MALRD1: variants seen among roughly 807,000 people sequenced by gnomAD.
MALRD1 encodes MAM and LDL-receptor class A domain-containing protein 1.
MALRD1 carries 247 observed loss-of-function variants against 242.1 expected under a neutral mutation model. That is an observed-to-expected ratio of 1.02 (90% CI 0.92 to 1.13). The LOEUF (loss-of-function observed/expected upper bound fraction) is 1.13. Among genes scored for constraint, MALRD1 ranks in the 50% most tolerant of loss-of-function variants. MALRD1 has a pLI of 0.00. For missense variants in MALRD1, 2,989 were observed against 2,533.1 expected, an observed-to-expected ratio of 1.18 and a Z score of -3.86; for synonymous variants, 995 against 866.6, an observed-to-expected ratio of 1.15 and a Z score of -2.60.
intron 14 of MALRD1, among the ~76,000 whole-genome samples, chr10:19,184,905 T>C (rs1425877009): frequency 2.0e-5 from 3 of 152,198 alleles, no homozygotes; most frequent in African/African-American, 4.8e-5. Flanking sequence ...CAAAACATTA[T>C]GCTAATAAAC....
At chr10:19,731,096 TAGTC>T (rs1835278263) in intron 39 of MALRD1, among the ~76,000 whole-genome samples, 1 of 152,220 alleles carries the variant, frequency 6.6e-6, no homozygotes, top group Non-Finnish European at 1.5e-5. Flanking sequence ...CACAGAGTAT[TAGTC>T]AGCTGCTTAC....
chr10:19,107,505 C>G (rs1302953104), intron 5 of MALRD1, among the ~76,000 whole-genome samples: 2 of 147,638 alleles, frequency 1.4e-5, no homozygotes, highest in East Asian at 2.0e-4. Context: ...CCTTTAGTTT[C>G]TCAGTCTATG....
chr10:19,710,245 CT>C (rs1834045480), intron 38 of MALRD1: 1 of 151,866 alleles, frequency 6.6e-6, no homozygotes, highest in Non-Finnish European at 1.5e-5. Context: ...TGTCTGGCAG[CT>C]GAAAATGTAT....
intron 34 of MALRD1, among the ~76,000 whole-genome samples, chr10:19,602,586 A>C (rs991493255): frequency 2.0e-5 from 3 of 151,928 alleles, no homozygotes; most frequent in African/African-American, 7.3e-5. Context: ...TTCTTAATCC[A>C]GTCTATCATT....
intron 36 of MALRD1, among the ~76,000 whole-genome samples, chr10:19,672,936 A>G (rs1228068895): frequency 2.6e-5 from 4 of 152,166 alleles, no homozygotes; most frequent in East Asian, 1.9e-4. Context: ...TAACATGAGG[A>G]TTATTTATTC....
In MALRD1 at chr10:19,088,691, G is replaced by T. The variant is rs1329407099; in HGVS notation, c.597+506G>T. 3.9e-5 allele frequency among the ~76,000 whole-genome samples: 4 copies of T among 102,290 alleles called. No homozygotes were observed. In the South Asian group the frequency reaches 1.4e-3, roughly 37 times the overall value. The allele number at this position is 102,290 out of a possible 152,430, so 67.1% of individuals were successfully genotyped here. A position where few individuals can be genotyped will look rare whatever the true frequency, so the allele number is the denominator to read the frequency against. On this transcript the variant is annotated intron_variant, in intron 4 of 39. Transcript: ENST00000454679. The stretch of plus-strand genomic sequence containing the variant: ...ATGCTGGTGCGCTGCACCCACTAAC[G>T]TGTCATCTAGCATTAGGTATATCTC...
intron 38 of MALRD1, among the ~76,000 whole-genome samples, chr10:19,717,843 C>A (rs1268221834): frequency 6.6e-6 from 1 of 152,014 alleles, no homozygotes; most frequent in East Asian, 1.9e-4. Flanking sequence ...ATGGCAAAAC[C>A]CTGTTTCTAC....
intron 36 of MALRD1, among the ~76,000 whole-genome samples, chr10:19,689,346 G>A (rs1051853816): frequency 6.6e-6 from 1 of 152,094 alleles, no homozygotes; most frequent in African/African-American, 2.4e-5. Context: ...AGGCATGAAG[G>A]TTTGTGTTTT....
At chr10:19,465,894 C>T (rs1435643849) in intron 29 of MALRD1, among the ~76,000 whole-genome samples, 1 of 152,136 alleles carries the variant, frequency 6.6e-6, no homozygotes, top group African/African-American at 2.4e-5. Context: ...TTCTTATAAT[C>T]CCACCACTCC....
intron 36 of MALRD1, among the ~76,000 whole-genome samples, chr10:19,679,166 G>A (rs941487660): frequency 9.2e-5 from 14 of 152,100 alleles, no homozygotes; most frequent in Non-Finnish European, 1.8e-4. Flanking sequence ...GATGATGCTG[G>A]CCCCATTAAA....
intron 18 of MALRD1, among the ~76,000 whole-genome samples, chr10:19,250,820 CCT>C (rs141827654): frequency 5.3e-5 from 8 of 149,952 alleles, no homozygotes; most frequent in African/African-American, 9.7e-5. Context: ...CGTCTCTCTG[CCT>C]CTCTCTCTCT....
Position 19,177,458 on chromosome 10 carries a change from A to G in MALRD1, c.1951+2130A>G, listed in dbSNP as rs1214213533. On this transcript the variant is annotated intron_variant, in intron 14 of 39. Transcript: ENST00000454679. ...GTCTTGTAATGTAGTATTTGGAGGT[A>G]TAGGGGCAGAAAGGTGTGACAAAAA... Among the ~76,000 whole-genome samples the G allele has an allele frequency of 3.9e-5, 6 of 152,108 alleles. No individual in the cohort carries two copies. In the East Asian group the frequency reaches 7.7e-4, roughly 20 times the overall value.
intron 36 of MALRD1, among the ~76,000 whole-genome samples, chr10:19,635,772 A>T (rs187212222): frequency 2.1e-3 from 319 of 152,270 alleles, no homozygotes; most frequent in African/African-American, 7.2e-3. Context: ...AACACACAAA[A>T]TGCTCTCACA....
intron 33 of MALRD1, among the ~76,000 whole-genome samples, chr10:19,592,241 G>A (rs1261021274): frequency 5.9e-5 from 9 of 152,342 alleles, no homozygotes; most frequent in African/African-American, 9.6e-5. Context: ...AGGAGGGGAG[G>A]AAACAGAACT....
At chr10:19,459,888 A>G (rs1368212997) in intron 29 of MALRD1, among the ~76,000 whole-genome samples, 1 of 151,858 alleles carries the variant, frequency 6.6e-6, no homozygotes, top group Non-Finnish European at 1.5e-5. Flanking sequence ...TTATTTGACC[A>G]GACATTTTAG....
In MALRD1 at chr10:19,203,770, A is replaced by C; in HGVS notation, c.1994A>C (p.Glu665Ala). 3 of 1,549,842 alleles carry C rather than the reference A, an allele frequency of 1.9e-6. No individual in the cohort carries two copies. The highest frequency in any genetic ancestry group is 2.6e-6 in the Non-Finnish European group (3 of 1,146,416). Residue 665 changes from glutamate (E) to alanine (A), a missense_variant, in exon 15 of 40, where the codon GAA becomes GCA. Transcript: ENST00000454679. ...GAAGCAAACAGCTGTGATTGGTTTG[A>C]AGCAATTAGTGGTGACCATTTTGAC... is the stretch of plus-strand genomic sequence containing the variant. Reference protein sequence around the residue: ...DFEANSCDWFEAISGDHFDWI... With the variant: ...DFEANSCDWFAAISGDHFDWI...
At chr10:19,212,851 A>T (rs1837132221) in intron 18 of MALRD1, among the ~76,000 whole-genome samples, 1 of 152,074 alleles carries the variant, frequency 6.6e-6, no homozygotes, top group South Asian at 2.1e-4. Context: ...AATTATGTTG[A>T]GCGTATGTGC....
At chr10:19,659,062 C>A (rs1033214869) in intron 36 of MALRD1, among the ~76,000 whole-genome samples, 9 of 152,286 alleles carry the variant, frequency 5.9e-5, no homozygotes, top group East Asian at 3.9e-4. Flanking sequence ...TATTTTCCTA[C>A]TTTTTGCTCT....
At chr10:19,312,373 A>AAT (rs1316319573) in intron 21 of MALRD1, among the ~76,000 whole-genome samples, 3 of 104,010 alleles carry the variant, frequency 2.9e-5, no homozygotes, top group African/African-American at 1.2e-4. Context: ...GGCACAGAGG[A>AAT]ATGTGTATAT....
Sources: gnomAD v4.1 joint callset for allele counts (sites outside exome capture counted in the v4.1 genomes callset) on GRCh38, gnomAD v4.1.1 for gene constraint, MANE v1.5 for transcripts, NCBI Gene and HGNC (gene_info 2026-07-23, HGNC 2026-07-21) for gene names.